The following HMGB1 variants were observed in gnomAD, a reference collection of about 807,000 sequenced individuals.
HMGB1 encodes high mobility group protein B1.
For synonymous variants in HMGB1, 81 were observed against 84.0 expected, an observed-to-expected ratio of 0.96 and a Z score of 0.19; for missense variants, 79 against 253.5, an observed-to-expected ratio of 0.31 and a Z score of 4.67.
intron 1 of HMGB1, among the ~76,000 whole-genome samples, chr13:30,548,335 A>G (rs1869263928): frequency 6.6e-6 from 1 of 152,048 alleles, no homozygotes; most frequent in Non-Finnish European, 1.5e-5. Flanking sequence ...TTCCCCTTCC[A>G]CCACGATTGT....
chr13:30,616,364 T>G (rs1442426755), intron 1 of HMGB1, among the ~76,000 whole-genome samples: 1 of 152,248 alleles, frequency 6.6e-6, no homozygotes, highest in South Asian at 2.1e-4. Context: ...ACAATTCAGT[T>G]TGGTGATGTT....
intron 1 of HMGB1, among the ~76,000 whole-genome samples, chr13:30,574,003 A>G (rs532511264): frequency 4.8e-4 from 73 of 152,284 alleles, no homozygotes; most frequent in African/African-American, 1.7e-3. Flanking sequence ...CGGCAATATC[A>G]ATAATCATGT....
chr13:30,612,218 C>T (rs148986080), intron 1 of HMGB1, among the ~76,000 whole-genome samples: 13 of 152,106 alleles, frequency 8.5e-5, no homozygotes, highest in South Asian at 2.1e-4. Context: ...TATATACATA[C>T]GCACACATAC....
At chr13:30,563,094 G>A (rs1870032791) in intron 1 of HMGB1, among the ~76,000 whole-genome samples, 1 of 152,224 alleles carries the variant, frequency 6.6e-6, no homozygotes, top group Non-Finnish European at 1.5e-5. Flanking sequence ...CTAGTCTACA[G>A]CAGGAATTAC....
intron 1 of HMGB1, among the ~76,000 whole-genome samples, chr13:30,564,282 A>C (rs1366018418): frequency 1.9e-5 from 1 of 52,386 alleles, no homozygotes; most frequent in East Asian, 3.3e-4. Flanking sequence ...AAAATGCAAA[A>C]AAAAAAAAAA....
At chr13:30,605,507 T>C (rs558131186) in intron 1 of HMGB1, among the ~76,000 whole-genome samples, 14 of 152,344 alleles carry the variant, frequency 9.2e-5, no homozygotes, top group Admixed American at 2.6e-4. Context: ...CAACAAATGC[T>C]GCTTAGAGGT....
intron 1 of HMGB1, among the ~76,000 whole-genome samples, chr13:30,566,009 G>A (rs577777902): frequency 6.6e-6 from 1 of 152,092 alleles, no homozygotes; most frequent in African/African-American, 2.4e-5. Flanking sequence ...CTGGTGGCAG[G>A]GTCCTATTCA....
chr13:30,554,814 C>A lies in HMGB1; in HGVS notation c.-15+61857G>T, dbSNP rs183869591. On this transcript the variant is annotated intron_variant, in intron 1 of 4. Transcript: ENST00000405805. ...AAAAAGAAAAAGGCCAAGATAGACA[C>A]CTAATATTCATGACTTGAGAATATT... is the stretch of plus-strand genomic sequence containing the variant. The A allele has an allele frequency of 4.5e-5, 34 of 760,470 alleles. No homozygotes were observed. In the South Asian group the frequency reaches 4.5e-4, roughly 10 times the overall value. The allele number at this position is 760,470 out of a possible 1,614,324, so 47.1% of individuals were successfully genotyped here.
At chr13:30,612,150 G>C (rs1950518372) in intron 1 of HMGB1, among the ~76,000 whole-genome samples, 1 of 151,462 alleles carries the variant, frequency 6.6e-6, no homozygotes, top group African/African-American at 2.4e-5. Context: ...ATGTGTATGT[G>C]TGTGTGTTAT....
chr13:30,547,551 G>T (rs1593304395), intron 1 of HMGB1, among the ~76,000 whole-genome samples: 2 of 152,296 alleles, frequency 1.3e-5, no homozygotes, highest in South Asian at 4.1e-4. Context: ...CTGAGTTTGG[G>T]GTGGTTTGCT....
intron 1 of HMGB1, among the ~76,000 whole-genome samples, chr13:30,477,798 AGCTGGACCG>A (rs1391009490): frequency 6.6e-6 from 1 of 152,152 alleles, no homozygotes; most frequent in Non-Finnish European, 1.5e-5. Context: ...GCCAGTGAGG[AGCTGGACCG>A]GTTGGGACAG....
chr13:30,607,876 C>T (rs1593343443), intron 1 of HMGB1, among the ~76,000 whole-genome samples: 1 of 152,140 alleles, frequency 6.6e-6, no homozygotes, highest in African/African-American at 2.4e-5. Flanking sequence ...GGATATTAGA[C>T]ATTACTGAAT....
At chr13:30,464,783 G>GTA (rs1555232363) in intron 1 of HMGB1, 1 of 245,344 alleles carries the variant, frequency 4.1e-6, no homozygotes, top group East Asian at 1.8e-4. Flanking sequence ...GTGTGTGTGT[G>GTA]TGTGTATGAG....
chr13:30,472,591 A>C (rs1886971800), intron 1 of HMGB1, among the ~76,000 whole-genome samples: 1 of 151,260 alleles, frequency 6.6e-6, no homozygotes, highest in Non-Finnish European at 1.5e-5. Flanking sequence ...ACAGAGAAAG[A>C]CTCCATTTCA....
chr13:30,523,760 A>C (rs1470519096), intron 1 of HMGB1, among the ~76,000 whole-genome samples: 1 of 111,070 alleles, frequency 9.0e-6, no homozygotes, highest in Admixed American at 9.5e-5. Flanking sequence ...TGTTTGTTTG[A>C]GATGGGGCCT....
At chr13:30,475,696 C>T (rs943924236) in intron 1 of HMGB1, among the ~76,000 whole-genome samples, 5 of 151,932 alleles carry the variant, frequency 3.3e-5, no homozygotes, top group African/African-American at 1.2e-4. Flanking sequence ...AGAGAGAGAC[C>T]CTGTCTCTAA....
intron 4 of HMGB1, 59 bp from the exon 5 acceptor site, chr13:30,461,592 T>C (rs866146917): frequency 3.2e-6 from 5 of 1,570,752 alleles, no homozygotes; most frequent in African/African-American, 1.4e-5. Context: ...AGGAAAGAAA[T>C]AGAACATGGC....
intron 1 of HMGB1, among the ~76,000 whole-genome samples, chr13:30,531,800 A>T (rs975043965): frequency 1.3e-5 from 2 of 151,224 alleles, no homozygotes; most frequent in African/African-American, 4.9e-5. Context: ...GGGAGGCTGA[A>T]GCAGGAGAAT....
chr13:30,549,859 G>A (rs1392196872), intron 1 of HMGB1, among the ~76,000 whole-genome samples: 1 of 152,052 alleles, frequency 6.6e-6, no homozygotes, highest in Non-Finnish European at 1.5e-5. Context: ...TGGGATTGCA[G>A]GCGCCCGCCA....
Sources: gnomAD v4.1 joint callset for allele counts (sites outside exome capture counted in the v4.1 genomes callset) on GRCh38, gnomAD v4.1.1 for gene constraint, MANE v1.5 for transcripts, NCBI Gene and HGNC (gene_info 2026-07-23, HGNC 2026-07-21) for gene names.